The following PDE11A variants were observed in gnomAD, a reference collection of about 807,000 sequenced individuals.
PDE11A encodes the protein dual 3',5'-cyclic-AMP and -GMP phosphodiesterase 11A.
In PDE11A, 100 loss-of-function variants were observed where a neutral mutation model predicts 100.5. The observed-to-expected ratio is 1.00, with a 90% CI of 0.85 to 1.18. The LOEUF is 1.18. Among genes scored for constraint, PDE11A ranks in the 50% most tolerant of loss-of-function variants. PDE11A has a pLI of 0.00. For missense variants in PDE11A, 1,141 were observed against 1,152.6 expected, an observed-to-expected ratio of 0.99 and a Z score of 0.15; for synonymous variants, 381 against 420.8, an observed-to-expected ratio of 0.91 and a Z score of 1.16.
intron 12 of PDE11A, 62 bp from the exon 13 acceptor site, chr2:177,711,940 G>A: frequency 1.2e-6 from 1 of 845,822 alleles, no homozygotes. Context: ...ATAAGGTTAG[G>A]TGCTGAGCAA....
intron 2 of PDE11A, among the ~76,000 whole-genome samples, chr2:177,962,056 CAAAAAAAA>C (rs34148492): frequency 1.5e-5 from 1 of 66,346 alleles, no homozygotes; most frequent in Non-Finnish European, 2.7e-5. Context: ...GACACTGTCT[CAAAAAAAA>C]AAAAAAAAAA....
intron 5 of PDE11A, among the ~76,000 whole-genome samples, chr2:177,860,239 A>C (rs2083923018): frequency 6.6e-6 from 1 of 151,710 alleles, no homozygotes; most frequent in Non-Finnish European, 1.5e-5. Context: ...AAAAGAGAGA[A>C]GTCTCAAATC....
intron 19 of PDE11A, among the ~76,000 whole-genome samples, chr2:177,656,948 T>C (rs774657811): frequency 6.6e-6 from 1 of 152,104 alleles, no homozygotes; most frequent in Non-Finnish European, 1.5e-5. Flanking sequence ...AGATGTGAGC[T>C]TCAGAATGAA....
chr2:177,925,761 T>C (rs907875196), intron 2 of PDE11A, among the ~76,000 whole-genome samples: 4 of 152,232 alleles, frequency 2.6e-5, no homozygotes, highest in African/African-American at 9.6e-5. Context: ...TGCAGTCTTT[T>C]CTTGTATACA....
At chr2:177,658,183 G>A (rs1170105147) in intron 19 of PDE11A, among the ~76,000 whole-genome samples, 1 of 152,180 alleles carries the variant, frequency 6.6e-6, no homozygotes, top group Non-Finnish European at 1.5e-5. Flanking sequence ...TCCTTCTCTT[G>A]AAGGTCACAA....
intron 2 of PDE11A, among the ~76,000 whole-genome samples, chr2:177,965,121 T>C (rs2085682631): frequency 6.6e-6 from 1 of 152,084 alleles, no homozygotes; most frequent in Non-Finnish European, 1.5e-5. Flanking sequence ...TAATGATTAG[T>C]GTTGCTGAGC....
Position 177,654,619 on chromosome 2 carries a change from C to A in PDE11A, c.2646+9247G>T, listed in dbSNP as rs184157632. Among the ~76,000 whole-genome samples, 744 of 152,134 alleles carry A rather than the reference C, an allele frequency of 4.9e-3. 5 individuals carry two copies. Among genetic ancestry groups the A allele is most frequent in the East Asian group, 0.03 (153 of 5,182 alleles). On this transcript the variant is annotated intron_variant, in intron 19 of 19. Coordinates refer to ENST00000286063, the MANE Select transcript of PDE11A (RefSeq NM_016953.4). ...GACCAAAGCAGAATACACTCATGTACCCTGGTAAAAATGTGTTTGGATGTG... is the reference window on the plus strand; with the variant it reads ...GACCAAAGCAGAATACACTCATGTAACCTGGTAAAAATGTGTTTGGATGTG...
At chr2:178,044,391 T>TTATA (rs142521779) in intron 1 of PDE11A, among the ~76,000 whole-genome samples, 1 of 147,176 alleles carries the variant, frequency 6.8e-6, no homozygotes, top group Non-Finnish European at 1.5e-5. Flanking sequence ...TATATAAACT[T>TTATA]TATATGTTTA....
intron 2 of PDE11A, among the ~76,000 whole-genome samples, chr2:177,992,437 G>A (rs2086015855): frequency 6.6e-6 from 1 of 152,056 alleles, no homozygotes; most frequent in South Asian, 2.1e-4. Context: ...TATGTATATA[G>A]ATGGTAAACA....
intron 10 of PDE11A, among the ~76,000 whole-genome samples, chr2:177,737,590 CA>C (rs10654194): frequency 7.6e-5 from 11 of 144,676 alleles, no homozygotes; most frequent in African/African-American, 1.0e-4. Flanking sequence ...GACTCTGTCT[CA>C]AAAAAAAAAA....
At chr2:177,855,989 T>C (rs1380421341) in intron 5 of PDE11A, among the ~76,000 whole-genome samples, 3 of 151,144 alleles carry the variant, frequency 2.0e-5, no homozygotes, top group African/African-American at 7.3e-5. Flanking sequence ...GAGAAGGCTC[T>C]CACCTCTAGC....
At chr2:177,661,299 C>T (rs1279806412) in intron 19 of PDE11A, among the ~76,000 whole-genome samples, 2 of 152,194 alleles carry the variant, frequency 1.3e-5, no homozygotes, top group Admixed American at 6.5e-5. Context: ...CACTTGCCTT[C>T]GATCCTCTCA....
chr2:177,831,224 T>A (rs937897257), intron 6 of PDE11A, among the ~76,000 whole-genome samples: 2 of 152,218 alleles, frequency 1.3e-5, no homozygotes, highest in Non-Finnish European at 2.9e-5. Context: ...ACTTGCCCCA[T>A]AGCCCTCTCA....
At chr2:177,988,335 T>C (rs2085964602) in intron 2 of PDE11A, among the ~76,000 whole-genome samples, 1 of 152,136 alleles carries the variant, frequency 6.6e-6, no homozygotes, top group South Asian at 2.1e-4. Flanking sequence ...TGTAAAGGAG[T>C]ACATGCTATC....
chr2:177,751,988 G>A (rs950978275), intron 10 of PDE11A, among the ~76,000 whole-genome samples: 6 of 152,056 alleles, frequency 3.9e-5, no homozygotes, highest in African/African-American at 1.4e-4. Flanking sequence ...GACAGAGCTG[G>A]GACTTGAACC....
intron 2 of PDE11A, among the ~76,000 whole-genome samples, chr2:177,936,081 G>A (rs923180777): frequency 6.6e-6 from 1 of 152,140 alleles, no homozygotes; most frequent in Non-Finnish European, 1.5e-5. Context: ...CCGTCTTAGG[G>A]AACCACAGAA....
chr2:177,982,444 A>G (rs555500737), intron 2 of PDE11A, among the ~76,000 whole-genome samples: 1 of 150,756 alleles, frequency 6.6e-6, no homozygotes, highest in Non-Finnish European at 1.5e-5. Flanking sequence ...AAGACTTCAA[A>G]TTAGTTAGCA....
chr2:178,000,623 G>C (rs1213769847), intron 2 of PDE11A, among the ~76,000 whole-genome samples: 1 of 152,164 alleles, frequency 6.6e-6, no homozygotes, highest in Non-Finnish European at 1.5e-5. Flanking sequence ...TGAAGAAAAT[G>C]AAAATATTAA....
At chr2:177,966,274 T>G (rs2085696528) in intron 2 of PDE11A, among the ~76,000 whole-genome samples, 1 of 152,196 alleles carries the variant, frequency 6.6e-6, no homozygotes, top group Non-Finnish European at 1.5e-5. Context: ...TATGGGATTT[T>G]CTAGGTATAA....
Sources: gnomAD v4.1 joint callset for allele counts (sites outside exome capture counted in the v4.1 genomes callset) on GRCh38, gnomAD v4.1.1 for gene constraint, MANE v1.5 for transcripts, NCBI Gene and HGNC (gene_info 2026-07-23, HGNC 2026-07-21) for gene names.